Variants in DLG2 observed in about 807,000 individuals in gnomAD.
DLG2 encodes the protein disks large homolog 2.
In DLG2, 45 loss-of-function variants were observed where a neutral mutation model predicts 132.5. The ratio of observed to expected loss-of-function variants is 0.34; its 90% CI spans 0.27 to 0.44. The LOEUF is 0.44. Among genes scored for constraint, DLG2 ranks in the 20% least tolerant of loss-of-function variants. DLG2 has a pLI of 1.00. For missense variants in DLG2, 1,045 were observed against 1,196.9 expected, an observed-to-expected ratio of 0.87 and a Z score of 1.87; for synonymous variants, 424 against 419.6, an observed-to-expected ratio of 1.01 and a Z score of -0.13.
chr11:84,502,472 T>G (rs2099222881), intron 7 of DLG2, among the ~76,000 whole-genome samples: 1 of 149,118 alleles, frequency 6.7e-6, no homozygotes, highest in Admixed American at 6.8e-5. Context: ...CTCGGCTCAC[T>G]GCAGCCTCCA....
chr11:85,012,748 T>C (rs1161412886), intron 6 of DLG2, among the ~76,000 whole-genome samples: 1 of 152,178 alleles, frequency 6.6e-6, no homozygotes, highest in Non-Finnish European at 1.5e-5. Context: ...GGACTCCATT[T>C]ACTAAAATAT....
intron 7 of DLG2, among the ~76,000 whole-genome samples, chr11:84,320,592 C>G (rs980742318): frequency 3.3e-5 from 5 of 152,160 alleles, no homozygotes; most frequent in African/African-American, 4.8e-5. Context: ...ATCTCCAGAT[C>G]CAAGCACATT....
intron 3 of DLG2, among the ~76,000 whole-genome samples, chr11:85,374,350 C>A (rs1596625680): frequency 1.3e-5 from 2 of 152,188 alleles, no homozygotes; most frequent in East Asian, 3.9e-4. Flanking sequence ...ATTATAAAAA[C>A]CATGGATTTG....
intron 7 of DLG2, among the ~76,000 whole-genome samples, chr11:84,427,477 G>A (rs2098970645): frequency 6.6e-6 from 1 of 152,040 alleles, no homozygotes; most frequent in South Asian, 2.1e-4. Flanking sequence ...TTCTTGGGTG[G>A]TGTGCCAATA....
chr11:85,336,813 A>C (rs998551207), intron 3 of DLG2, among the ~76,000 whole-genome samples: 3 of 152,218 alleles, frequency 2.0e-5, no homozygotes, highest in Admixed American at 6.5e-5. Flanking sequence ...TCACTTCATT[A>C]GTATTCTTTT....
intron 3 of DLG2, among the ~76,000 whole-genome samples, chr11:85,285,801 A>G (rs571324272): frequency 3.3e-5 from 5 of 152,012 alleles, no homozygotes; most frequent in Non-Finnish European, 5.9e-5. Flanking sequence ...TAAAAAATCA[A>G]TGTTTGCCAG....
chr11:85,135,961 A>AG (rs2076115093), intron 5 of DLG2, among the ~76,000 whole-genome samples: 1 of 152,148 alleles, frequency 6.6e-6, no homozygotes, highest in Admixed American at 6.5e-5. Context: ...CTTTCTGGAG[A>AG]GGGGCCTTGA....
chr11:85,496,655 A>T (rs2093674528), intron 3 of DLG2, among the ~76,000 whole-genome samples: 1 of 152,070 alleles, frequency 6.6e-6, no homozygotes, highest in Admixed American at 6.6e-5. Flanking sequence ...TGACTGGGAG[A>T]CACCTCCCAG....
At chr11:84,797,886 G>A (rs2074858566) in intron 6 of DLG2, among the ~76,000 whole-genome samples, 1 of 152,084 alleles carries the variant, frequency 6.6e-6, no homozygotes, top group African/African-American at 2.4e-5. Flanking sequence ...AGAGACTTGG[G>A]CCCCAATCTC....
chr11:84,078,065 T>C (rs145449112), intron 10 of DLG2, among the ~76,000 whole-genome samples: 1 of 152,320 alleles, frequency 6.6e-6, no homozygotes, highest in African/African-American at 2.4e-5. Context: ...AAATTCAACA[T>C]ATAAACCTAA....
intron 5 of DLG2, 90 bp downstream of exon 5, chr11:85,154,466 T>G: frequency 1.5e-6 from 1 of 656,974 alleles, no homozygotes; most frequent in Non-Finnish European, 2.5e-6. Flanking sequence ...TTTTCTTTTC[T>G]TTCTTTAACA....
chr11:84,218,163 C>T (rs979556452), intron 8 of DLG2, among the ~76,000 whole-genome samples: 3 of 142,750 alleles, frequency 2.1e-5, no homozygotes, highest in Non-Finnish European at 3.0e-5. Context: ...GCAGGCTCTG[C>T]TGAAGAAAGA....
intron 6 of DLG2, among the ~76,000 whole-genome samples, chr11:84,671,292 A>G (rs1402380020): frequency 6.6e-6 from 1 of 151,898 alleles, no homozygotes; most frequent in Admixed American, 6.6e-5. Flanking sequence ...TTGTAGAGAC[A>G]GGGTCTCACT....
At chr11:85,085,543 A>AT (rs1478904702) in intron 6 of DLG2, among the ~76,000 whole-genome samples, 1 of 152,034 alleles carries the variant, frequency 6.6e-6, no homozygotes, top group Non-Finnish European at 1.5e-5. Context: ...TAAATATTAT[A>AT]TTTTTACCAA....
At chr11:85,214,101 C>T (rs1479714534) in intron 4 of DLG2, among the ~76,000 whole-genome samples, 1 of 152,148 alleles carries the variant, frequency 6.6e-6, no homozygotes, top group African/African-American at 2.4e-5. Flanking sequence ...ATTACCTCAG[C>T]CCATGCTGTT....
rs66719037 is a variant in DLG2, at chr11:84,086,491, C to CT, written c.749+12431dup. On this transcript the variant is annotated intron_variant, in intron 10 of 27. Coordinates refer to ENST00000376104, the MANE Select transcript of DLG2 (RefSeq NM_001142699.3). ...TTCTGTTTTTTCTTTTTCTTTCTTTCTTTTTTTTTTTTTTTTGAGACAAGG... is the reference window on the plus strand; with the variant it reads ...TTCTGTTTTTTCTTTTTCTTTCTTTCTTTTTTTTTTTTTTTTTGAGACAAGG... Among the ~76,000 whole-genome samples the CT allele has an allele frequency of 6.7e-4, 74 of 110,484 alleles. 1 individual carries two copies. Among genetic ancestry groups the CT allele is most frequent in the East Asian group, 5.3e-3 (22 of 4,136 alleles). The allele number at this position is 110,484 out of a possible 152,430, so 72.5% of individuals were successfully genotyped here.
intron 4 of DLG2, among the ~76,000 whole-genome samples, chr11:85,241,078 A>G (rs1424278011): frequency 4.0e-5 from 6 of 151,788 alleles, no homozygotes; most frequent in African/African-American, 1.2e-4. Flanking sequence ...ATGCTTTTTA[A>G]TAAAGTTTTA....
intron 7 of DLG2, among the ~76,000 whole-genome samples, chr11:84,507,055 T>C (rs1444587115): frequency 2.0e-5 from 3 of 152,192 alleles, no homozygotes; most frequent in Non-Finnish European, 2.9e-5. Flanking sequence ...AATTTGCCAA[T>C]AAAATTTTCT....
chr11:83,766,882 C>G (rs1367120778), intron 18 of DLG2, among the ~76,000 whole-genome samples: 1 of 152,174 alleles, frequency 6.6e-6, no homozygotes, highest in Admixed American at 6.5e-5. Context: ...AATAAATTAT[C>G]TGTCCACAGC....
Sources: gnomAD v4.1 joint callset for allele counts (sites outside exome capture counted in the v4.1 genomes callset) on GRCh38, gnomAD v4.1.1 for gene constraint, MANE v1.5 for transcripts, NCBI Gene and HGNC (gene_info 2026-07-23, HGNC 2026-07-21) for gene names.